The following ASTN2 variants were observed in gnomAD, a reference collection of about 807,000 sequenced individuals.
ASTN2 encodes astrotactin-2.
Under a neutral mutation model 139.8 loss-of-function variants are expected in ASTN2, and 54 were observed. That is an observed-to-expected ratio of 0.39 (90% CI 0.31 to 0.48). The LOEUF (loss-of-function observed/expected upper bound fraction) is 0.48. Among genes scored for constraint, ASTN2 ranks in the 20% least tolerant of loss-of-function variants. ASTN2 has a pLI of 0.95. For missense variants in ASTN2, 1,565 were observed against 1,725.1 expected (o/e 0.91, Z 1.64); for synonymous variants, 756 against 719.5 (o/e 1.05, Z -0.81).
chr9:116,683,390 G>T (rs976742335), intron 16 of ASTN2, among the ~76,000 whole-genome samples: 27 of 152,140 alleles, frequency 1.8e-4, no homozygotes, highest in Non-Finnish European at 3.8e-4. Flanking sequence ...TTATATAAAA[G>T]TGTTGTATGC....
chr9:116,868,628 TAAC>T (rs1191347122), intron 10 of ASTN2, among the ~76,000 whole-genome samples: 1 of 152,214 alleles, frequency 6.6e-6, no homozygotes, highest in African/African-American at 2.4e-5. Context: ...AGAAGGGCCA[TAAC>T]AAGTACCATG....
At chr9:117,253,808 A>G (rs898371956) in intron 2 of ASTN2, among the ~76,000 whole-genome samples, 1 of 152,166 alleles carries the variant, frequency 6.6e-6, no homozygotes, top group Admixed American at 6.5e-5. Flanking sequence ...TTGTCCTAGA[A>G]TGAAGCTGAG....
At chr9:116,525,170 T>C (rs1851037427) in intron 19 of ASTN2, among the ~76,000 whole-genome samples, 1 of 152,248 alleles carries the variant, frequency 6.6e-6, no homozygotes, top group Admixed American at 6.5e-5. Flanking sequence ...ACTCTTGCTA[T>C]GCTTTAGCAA....
At chr9:116,504,098 G>C (rs528350496) in intron 19 of ASTN2, among the ~76,000 whole-genome samples, 2 of 152,290 alleles carry the variant, frequency 1.3e-5, no homozygotes, top group Middle Eastern at 6.8e-3. Flanking sequence ...GACTATTACT[G>C]CTAGCCTATA....
chr9:116,736,927 A>C (rs1828941185), intron 13 of ASTN2, among the ~76,000 whole-genome samples: 1 of 152,108 alleles, frequency 6.6e-6, no homozygotes, highest in Non-Finnish European at 1.5e-5. Context: ...CCCCAACGGG[A>C]CAATGCAAGG....
At chr9:116,750,192 C>A (rs534369534) in intron 13 of ASTN2, among the ~76,000 whole-genome samples, 2 of 152,210 alleles carry the variant, frequency 1.3e-5, no homozygotes, top group East Asian at 3.9e-4. Context: ...ACTCTTAAAG[C>A]AAAAGATAGA....
intron 5 of ASTN2, among the ~76,000 whole-genome samples, chr9:117,078,047 T>C (rs1828326496): frequency 6.6e-6 from 1 of 152,172 alleles, no homozygotes; most frequent in South Asian, 2.1e-4. Context: ...CCTTCTTGAC[T>C]TCTGTAAAGA....
chr9:116,878,552 G>T (rs189898661), intron 10 of ASTN2, among the ~76,000 whole-genome samples: 2 of 152,144 alleles, frequency 1.3e-5, no homozygotes, highest in East Asian at 1.9e-4. Context: ...GCCTATCAGG[G>T]GGCTGGGGGA....
chr9:117,179,826 G>T (rs1359362070), intron 3 of ASTN2, among the ~76,000 whole-genome samples: 1 of 152,042 alleles, frequency 6.6e-6, no homozygotes, highest in African/African-American at 2.4e-5. Flanking sequence ...GCTGAAAGTT[G>T]GTGTTTAGGG....
chr9:116,672,284 T>C (rs1859244112), intron 16 of ASTN2, among the ~76,000 whole-genome samples: 1 of 151,814 alleles, frequency 6.6e-6, no homozygotes, highest in Non-Finnish European at 1.5e-5. Flanking sequence ...GAGGATCACT[T>C]GAGCCAGGGA....
At chr9:116,521,933 C>G (rs1850893902) in intron 19 of ASTN2, among the ~76,000 whole-genome samples, 2 of 152,048 alleles carry the variant, frequency 1.3e-5, no homozygotes, top group East Asian at 1.9e-4. Flanking sequence ...CACTAACTAT[C>G]AGAAAAATGC....
chr9:117,160,526 T>C (rs1453220470), intron 3 of ASTN2, among the ~76,000 whole-genome samples: 1 of 152,074 alleles, frequency 6.6e-6, no homozygotes, highest in Non-Finnish European at 1.5e-5. Flanking sequence ...TGCTTCTTTG[T>C]ATGCTCATGT....
intron 17 of ASTN2, among the ~76,000 whole-genome samples, chr9:116,636,644 C>G (rs563939757): frequency 2.7e-4 from 41 of 151,924 alleles, no homozygotes; most frequent in African/African-American, 9.7e-4. Flanking sequence ...ATTGCACACT[C>G]CAGCCTGGGC....
intron 7 of ASTN2, among the ~76,000 whole-genome samples, chr9:116,987,140 T>C (rs992183125): frequency 1.3e-5 from 2 of 152,210 alleles, no homozygotes; most frequent in Admixed American, 6.5e-5. Context: ...GTGGTTTGGC[T>C]CTGTGTCCTC....
chr9:116,765,344 C>G (rs1256810745), intron 13 of ASTN2, among the ~76,000 whole-genome samples: 6 of 152,166 alleles, frequency 3.9e-5, no homozygotes, highest in African/African-American at 1.4e-4. Flanking sequence ...AACCCCTTCC[C>G]CACAGCAATA....
At chr9:117,214,941 A>G (rs746818092) in intron 2 of ASTN2, among the ~76,000 whole-genome samples, 199 bp from the exon 3 acceptor site, 1 of 152,206 alleles carries the variant, frequency 6.6e-6, no homozygotes, top group African/African-American at 2.4e-5. Context: ...ATGTGACCCT[A>G]GGCAAACTTC....
At chr9:116,677,601 AC>A (rs200463894) in intron 16 of ASTN2, among the ~76,000 whole-genome samples, 1,730 of 151,992 alleles carry the variant, frequency 0.011, 42 homozygotes, top group African/African-American at 0.039. Context: ...AAACACCCCC[AC>A]CCCCCACTGG....
At chr9:117,143,394 G>A (rs1588011189) in intron 3 of ASTN2, among the ~76,000 whole-genome samples, 1 of 152,182 alleles carries the variant, frequency 6.6e-6, no homozygotes, top group Non-Finnish European at 1.5e-5. Flanking sequence ...CGTAAACCCA[G>A]AGAGAAAAGT....
chr9:116,975,112 C>G, intron 10 of ASTN2, 96 bp downstream of exon 10: 1 of 1,283,844 alleles, frequency 7.8e-7, no homozygotes, highest in Non-Finnish European at 1.0e-6. Context: ...AACTAAACAG[C>G]AAGAACACTC....
Sources: allele counts gnomAD v4.1 joint callset (sites outside exome capture counted in the v4.1 genomes callset), GRCh38; gene constraint gnomAD v4.1.1; transcripts MANE v1.5; gene names NCBI Gene and HGNC (gene_info 2026-07-23, HGNC 2026-07-21).